ZNF143: variants seen among roughly 807,000 people sequenced by gnomAD.
ZNF143 encodes the protein zinc finger protein 143.
Under a neutral mutation model 74.1 loss-of-function variants are expected in ZNF143, and 49 were observed. The observed-to-expected ratio is 0.66, with a 90% CI of 0.53 to 0.84. ZNF143 has a LOEUF of 0.84. Ranked by LOEUF, ZNF143 falls within the 40% of genes least tolerant of loss-of-function variation. The pLI, the probability that ZNF143 is intolerant of heterozygous loss-of-function variation, is 0.00. For missense variants in ZNF143, 637 were observed against 793.4 expected (o/e 0.80, Z 2.37); for synonymous variants, 304 against 282.8 (o/e 1.07, Z -0.75).
At chr11:9,514,376 C>T (rs1848653949) in intron 13 of ZNF143, among the ~76,000 whole-genome samples, 1 of 152,212 alleles carries the variant, frequency 6.6e-6, no homozygotes, top group Admixed American at 6.5e-5. Flanking sequence ...CCATTCCATT[C>T]CTTTCATCAG....
Position 9,484,413 on chromosome 11 carries a change from C to A in ZNF143, c.645+4867C>A, listed in dbSNP as rs1388678046. 2.7e-5 allele frequency among the ~76,000 whole-genome samples: 4 copies of A among 150,806 alleles called. 1 individual carries two copies. The highest frequency in any genetic ancestry group is 9.9e-5 in the African/African-American group (4 of 40,364). ...TTAAAAAAATGTTTTTTATATTTCA[C>A]CTTGTTGGCCAGGCTGATCACAAAC... On this transcript the variant is annotated intron_variant, in intron 7 of 15. Coordinates refer to ENST00000396602, the MANE Select transcript of ZNF143 (RefSeq NM_003442.6).
chr11:9,525,303 C>G lies in ZNF143; in HGVS notation c.1750C>G (p.Gln584Glu). Residue 584 changes from glutamine (Q) to glutamate (E), a missense_variant, in exon 15 of 16, where the codon CAG becomes GAG. By Grantham distance (29) the Gln-to-Glu change is conservative. Transcript: ENST00000396602. ...HTASSEMGHQ[Q>E]HSHHLVTTET... is the part of the protein sequence containing the mutation. ...TGCCTCATCAGAAATGGGGCACCAG[C>G]AGCATAGCCATCACTTAGTAACCAC... 6.2e-7 allele frequency: 1 copy of G among 1,614,198 alleles called. No homozygotes were observed. Among genetic ancestry groups the G allele is most frequent in the Non-Finnish European group, 8.5e-7 (1 of 1,180,038 alleles).
Position 9,490,276 on chromosome 11 carries a change from CTTTTTTTT to C in ZNF143, c.646-4361_646-4354del. 2.0e-5 allele frequency among the ~76,000 whole-genome samples: 2 copies of C among 100,900 alleles called. 1 individual carries two copies. Among genetic ancestry groups the C allele is most frequent in the South Asian group, 6.5e-4 (2 of 3,068 alleles). 66.2% of individuals were successfully genotyped at this position (100,900 alleles called of 152,430 possible). A position where few individuals can be genotyped will look rare whatever the true frequency, so the allele number is the denominator to read the frequency against. ...ATGGTGGAATTATAACACACTTAAGCTTTTTTTTTTTTTTTTGCTTTTTTTTTTTTTTG... is the reference window on the plus strand; with the variant it reads ...ATGGTGGAATTATAACACACTTAAGCTTTTTTTTGCTTTTTTTTTTTTTTG... On this transcript the variant is annotated intron_variant, in intron 7 of 15. Transcript: ENST00000396602.
intron 13 of ZNF143, among the ~76,000 whole-genome samples, 200 bp from the exon 14 acceptor site, chr11:9,516,000 TA>T (rs200325533): frequency 5.2e-3 from 791 of 151,638 alleles, no homozygotes; most frequent in Non-Finnish European, 7.9e-3. Context: ...ATAATAATAA[TA>T]AAAAAATAAT....
intron 14 of ZNF143, among the ~76,000 whole-genome samples, chr11:9,524,961 A>G (rs944586129): frequency 6.6e-6 from 1 of 152,206 alleles, no homozygotes; most frequent in Admixed American, 6.5e-5. Context: ...AATAGAATCT[A>G]GGTACAGCCA....
chr11:9,477,596 TG>T (rs1302153530), intron 5 of ZNF143, among the ~76,000 whole-genome samples: 1 of 152,124 alleles, frequency 6.6e-6, no homozygotes, highest in African/African-American at 2.4e-5. Context: ...ACAGGTTCAT[TG>T]TAACTGGCTA....
chr11:9,475,487 C>T (rs1017767494), intron 5 of ZNF143, among the ~76,000 whole-genome samples: 1 of 151,740 alleles, frequency 6.6e-6, no homozygotes, highest in African/African-American at 2.4e-5. Flanking sequence ...TGCTATGTTG[C>T]TCAGGCTGGT....
intron 12 of ZNF143, among the ~76,000 whole-genome samples, chr11:9,511,833 C>G (rs894964868): frequency 3.4e-5 from 5 of 147,632 alleles, no homozygotes; most frequent in Non-Finnish European, 6.0e-5. Flanking sequence ...CTCACTGCAA[C>G]CTCTGCCTCC....
At chr11:9,492,041 T>C (rs1002143652) in intron 7 of ZNF143, among the ~76,000 whole-genome samples, 1 of 152,036 alleles carries the variant, frequency 6.6e-6, no homozygotes, top group Admixed American at 6.6e-5. Flanking sequence ...GCCTCCTGTG[T>C]TCAAGTGATT....
At chr11:9,490,898 A>T (rs1554965127) in intron 7 of ZNF143, among the ~76,000 whole-genome samples, 2 of 151,618 alleles carry the variant, frequency 1.3e-5, no homozygotes, top group Non-Finnish European at 2.9e-5. Context: ...ACACTCAGCT[A>T]TTTTTTTATC....
chr11:9,471,386 T>TA lies in ZNF143; in HGVS notation c.79dup (p.Thr27AsnfsTer14), dbSNP rs1306373414. ...GAGGAGGGATGGAGGCGCAACATGT[T>TA]ACGCTGTGCTTGACAGAGGCAGTCA... On this transcript the variant is annotated frameshift_variant, in exon 2 of 16. Coordinates refer to ENST00000396602, the MANE Select transcript of ZNF143 (RefSeq NM_003442.6). LOFTEE classifies it high-confidence loss of function. The TA allele has an allele frequency of 6.2e-7, 1 of 1,612,352 alleles. No homozygotes were observed.
At chr11:9,470,260 C>T (rs1856492597) in intron 1 of ZNF143, among the ~76,000 whole-genome samples, 1 of 152,236 alleles carries the variant, frequency 6.6e-6, no homozygotes, top group South Asian at 2.1e-4. Context: ...GGGCCAAGCA[C>T]TTTCTAGGCA....
At chr11:9,467,864 AAAG>A (rs1317052679) in intron 1 of ZNF143, among the ~76,000 whole-genome samples, 1 of 151,664 alleles carries the variant, frequency 6.6e-6, no homozygotes, top group African/African-American at 2.4e-5. Context: ...AAAAAAAAAA[AAAG>A]TTGTCTGTCA....
At chr11:9,504,014 CA>C (rs34712448) in intron 11 of ZNF143, among the ~76,000 whole-genome samples, 54,884 of 133,632 alleles carry the variant, frequency 0.41, 11,149 homozygotes, top group African/African-American at 0.47. Context: ...GGCTGGAGTG[CA>C]GTGGCGCAAT....
At chr11:9,487,739 A>G (rs1203755685) in intron 7 of ZNF143, among the ~76,000 whole-genome samples, 2 of 152,334 alleles carry the variant, frequency 1.3e-5, no homozygotes, top group South Asian at 2.1e-4. Flanking sequence ...TTAGAAGCTG[A>G]TTAGTATTTC....
rs757199109 is a variant in ZNF143, at chr11:9,508,676, C to G, written c.1205C>G (p.Ser402Cys). The G allele has an allele frequency of 6.2e-7, 1 of 1,614,008 alleles. No individual in the cohort carries two copies. The highest frequency in any genetic ancestry group is 1.7e-5 in the Admixed American group (1 of 60,014). ...PGCDKRFTEYSSLYKHHVVHT... is the reference protein window; with the variant it reads ...PGCDKRFTEYCSLYKHHVVHT... ...TGTGACAAAAGGTTTACAGAATATT[C>G]CAGTTTGTACAAACATCATGTTGTC... is the stretch of plus-strand genomic sequence containing the variant. The change falls in exon 12 of 16, where the codon TCC becomes TGC. Residue 402 changes from serine (S) to cysteine (C), a missense_variant. This residue lies in a region of ZNF143 where 344 missense variants were observed against 485.6 expected (regional missense o/e 0.71). Coordinates refer to ENST00000396602, the MANE Select transcript of ZNF143 (RefSeq NM_003442.6).
chr11:9,513,385 T>C (rs893449520), intron 13 of ZNF143, among the ~76,000 whole-genome samples: 1 of 152,254 alleles, frequency 6.6e-6, no homozygotes, highest in East Asian at 1.9e-4. Flanking sequence ...TTTCACACTA[T>C]ACTCTCTGTC....
rs201816187 is a variant in ZNF143 at position 9,516,284 on chromosome 11, C to T, written c.1608C>T (p.Pro536=). The change falls in exon 14 of 16, where the codon CCC becomes CCT. Residue 536 remains proline (P), a synonymous_variant. Coordinates refer to ENST00000396602, the MANE Select transcript of ZNF143 (RefSeq NM_003442.6). ...VTQDGTPITV[P]AHDAVISSAG... is the part of the protein sequence containing the mutation. ...AGGATGGCACGCCCATCACAGTCCC[C>T]GCCCATGATGCAGTCATCTCCTCAG... 3.1e-5 allele frequency: 50 copies of T among 1,614,050 alleles called. No homozygotes were observed. Among genetic ancestry groups the T allele is most frequent in the African/African-American group, 6.7e-5 (5 of 75,052 alleles).
At chr11:9,465,250 G>C (rs1360530941) in intron 1 of ZNF143, among the ~76,000 whole-genome samples, 9 of 151,962 alleles carry the variant, frequency 5.9e-5, no homozygotes, top group African/African-American at 2.2e-4. Flanking sequence ...GCAGTGGTGC[G>C]ATCTCAGCTC....
Sources: allele counts gnomAD v4.1 joint callset (sites outside exome capture counted in the v4.1 genomes callset), GRCh38; gene constraint gnomAD v4.1.1; regional missense constraint gnomAD v4.1.1; transcripts MANE v1.5; gene names NCBI Gene and HGNC (gene_info 2026-07-23, HGNC 2026-07-21).